EDDM3B: variants seen among roughly 807,000 people sequenced by gnomAD.
The protein encoded by EDDM3B is epididymal secretory protein E3-beta.
For missense variants in EDDM3B, 189 were observed against 178.3 expected (o/e 1.06, Z -0.34); for synonymous variants, 71 against 59.1 (o/e 1.20, Z -0.92).
chr14:20,770,307 C>T lies in EDDM3B; in HGVS notation c.157C>T (p.Leu53Phe). Residue 53 changes from leucine (L) to phenylalanine (F), a missense_variant, in exon 2 of 2, where the codon CTC (leucine) becomes TTC (phenylalanine). Coordinates refer to ENST00000326783, the MANE Select transcript of EDDM3B (RefSeq NM_022360.5). The part of the protein sequence containing the change: ...REFREYKCDV[L>F]MRENEALKDK... ...ATTCAGAGAGTACAAATGTGATGTC[C>T]TCATGAGAGAAAATGAAGCTCTGAA... 1 of 1,614,120 alleles carries T rather than the reference C, an allele frequency of 6.2e-7. No homozygotes were observed. The highest frequency in any genetic ancestry group is 8.5e-7 in the Non-Finnish European group (1 of 1,180,014).
chr14:20,770,501 C>A lies in EDDM3B; in HGVS notation c.351C>A (p.Ser117Arg). Residue 117 changes from serine to arginine, a missense_variant, in exon 2 of 2, where the codon AGC (serine) becomes AGA (arginine). By Grantham distance (110) the Ser-to-Arg change is moderately radical. Coordinates refer to ENST00000326783, the MANE Select transcript of EDDM3B (RefSeq NM_022360.5). ...QENSKNSYTE[S>R]RSFNYIEFHC... ...ATTCCAAAAATAGCTACACAGAGAG[C>A]AGGAGCTTCAACTACATTGAATTCC... is the stretch of plus-strand genomic sequence containing the variant. 1 of 1,614,146 alleles carries A rather than the reference C, an allele frequency of 6.2e-7. No individual in the cohort carries two copies. The highest frequency in any genetic ancestry group is 8.5e-7 in the Non-Finnish European group (1 of 1,180,032).
Position 20,770,125 on chromosome 14 carries a change from A to C in EDDM3B, c.-18-8A>C. 1.9e-6 allele frequency: 3 copies of C among 1,576,564 alleles called. No homozygotes were observed. The highest frequency in any genetic ancestry group is 2.6e-6 in the Non-Finnish European group (3 of 1,161,022). ...ATGCTTTTCTTTCTCTTCTCTGTGGACACGCAGGCGGCCCCGGTGACTGAG... is the reference window on the plus strand; with the variant it reads ...ATGCTTTTCTTTCTCTTCTCTGTGGCCACGCAGGCGGCCCCGGTGACTGAG... On this transcript the variant is annotated splice_region_variant and splice_polypyrimidine_tract_variant and intron_variant, in intron 1 of 1. Transcript: ENST00000326783.
At chr14:20,769,137 C>T (rs1170207866) in intron 1 of EDDM3B, among the ~76,000 whole-genome samples, 1 of 152,152 alleles carries the variant, frequency 6.6e-6, no homozygotes, top group African/African-American at 2.4e-5. Context: ...TGGCTCATGC[C>T]TGAGAATCCC....
In EDDM3B at chr14:20,770,731, T is replaced by C; in HGVS notation, c.*137T>C. ...TTTTCCAAATACTTAGAGTTATGAA[T>C]AGCATAATTTCTTGATACCATAACT... On this transcript the variant is annotated 3_prime_UTR_variant, in exon 2 of 2. Coordinates refer to ENST00000326783, the MANE Select transcript of EDDM3B (RefSeq NM_022360.5). 1.4e-6 allele frequency: 1 copy of C among 697,914 alleles called. No homozygotes were observed. The allele number at this position is 697,914 out of a possible 1,614,324, so 43.2% of individuals were successfully genotyped here.
In EDDM3B at chr14:20,770,322, G is replaced by A. The variant is rs763237729; in HGVS notation, c.172G>A (p.Glu58Lys). The A allele has an allele frequency of 1.2e-6, 2 of 1,614,060 alleles. No homozygotes were observed. Among genetic ancestry groups the A allele is most frequent in the African/African-American group, 2.7e-5 (2 of 74,922 alleles). ...ATGTGATGTCCTCATGAGAGAAAAT[G>A]AAGCTCTGAAAGACAAGAGCTCTCA... ...YKCDVLMREN[E>K]ALKDKSSHMF... is the part of the protein sequence containing the mutation. Residue 58 changes from glutamate (E) to lysine (K), a missense_variant, in exon 2 of 2, where the codon GAA becomes AAA. Transcript: ENST00000326783.
Position 20,770,693 on chromosome 14 carries a change from T to A in EDDM3B, c.*99T>A. 1 of 935,340 alleles carries A rather than the reference T, an allele frequency of 1.1e-6. No homozygotes were observed. Among genetic ancestry groups the A allele is most frequent in the South Asian group, 1.7e-5 (1 of 57,368 alleles). The allele number at this position is 935,340 out of a possible 1,614,324, so 57.9% of individuals were successfully genotyped here. ...TAGTCCTACCACTCCCCTCTTGCAT[T>A]TATTTGTCAATGTTTTCCAAATACT... On this transcript the variant is annotated 3_prime_UTR_variant, in exon 2 of 2. Coordinates refer to ENST00000326783, the MANE Select transcript of EDDM3B (RefSeq NM_022360.5).
chr14:20,769,595 A>G (rs1370489901), intron 1 of EDDM3B, among the ~76,000 whole-genome samples: 1 of 152,168 alleles, frequency 6.6e-6, no homozygotes, highest in Admixed American at 6.5e-5. Context: ...GGAAGTCAAG[A>G]TTGGAGAAGC....
In EDDM3B at chr14:20,770,551, A is replaced by G. The variant is rs1878314092; in HGVS notation, c.401A>G (p.Asp134Gly). The G allele has an allele frequency of 1.2e-6, 2 of 1,613,998 alleles. No homozygotes were observed. Among genetic ancestry groups the G allele is most frequent in the Non-Finnish European group, 1.7e-6 (2 of 1,180,014 alleles). ...EFHCSMDGYV[D>G]SIEDLKMVEP... ...CATTGTAGCATGGACGGGTATGTTG[A>G]TAGCATAGAAGACCTAAAGATGGTA... Residue 134 changes from aspartate to glycine, a missense_variant, in exon 2 of 2, where the codon GAT becomes GGT. By Grantham distance (94) the Asp-to-Gly change is moderately conservative. Coordinates refer to ENST00000326783, the MANE Select transcript of EDDM3B (RefSeq NM_022360.5).
chr14:20,770,733 G>A lies in EDDM3B; in HGVS notation c.*139G>A. ...TTCCAAATACTTAGAGTTATGAATAGCATAATTTCTTGATACCATAACTTT... is the reference window on the plus strand; with the variant it reads ...TTCCAAATACTTAGAGTTATGAATAACATAATTTCTTGATACCATAACTTT... On this transcript the variant is annotated 3_prime_UTR_variant, in exon 2 of 2. Transcript: ENST00000326783. 1.5e-6 allele frequency: 1 copy of A among 689,552 alleles called. No individual in the cohort carries two copies. The highest frequency in any genetic ancestry group is 2.2e-5 in the South Asian group (1 of 45,088). 42.7% of individuals were successfully genotyped at this position (689,552 alleles called of 1,614,324 possible).
chr14:20,770,691 AT>A lies in EDDM3B; in HGVS notation c.*100del. 1.1e-6 allele frequency: 1 copy of A among 947,156 alleles called. No homozygotes were observed. The highest frequency in any genetic ancestry group is 1.7e-5 in the African/African-American group (1 of 59,880). 58.7% of individuals were successfully genotyped at this position (947,156 alleles called of 1,614,324 possible). On this transcript the variant is annotated 3_prime_UTR_variant, in exon 2 of 2. Coordinates refer to ENST00000326783, the MANE Select transcript of EDDM3B (RefSeq NM_022360.5). ...AATAGTCCTACCACTCCCCTCTTGC[AT>A]TTATTTGTCAATGTTTTCCAAATAC...
chr14:20,769,671 G>A (rs1041220726), intron 1 of EDDM3B, among the ~76,000 whole-genome samples: 2 of 152,154 alleles, frequency 1.3e-5, no homozygotes, highest in Non-Finnish European at 2.9e-5. Context: ...TTAGCGAATC[G>A]AAGCCTTCCT....
chr14:20,768,868 G>A (rs1472008480), intron 1 of EDDM3B, among the ~76,000 whole-genome samples: 9 of 152,190 alleles, frequency 5.9e-5, no homozygotes, highest in African/African-American at 2.2e-4. Context: ...TTAGACACTT[G>A]CAGGTCTGTA....
In EDDM3B at chr14:20,770,456, A is replaced by G. The variant is rs370186842; in HGVS notation, c.306A>G (p.Val102=). ...AYVWVQNPLK[V]LKCHQENSKN... ...TATGGGTCCAGAATCCTCTCAAAGT[A>G]CTCAAGTGTCACCAGGAGAATTCCA... is the stretch of plus-strand genomic sequence containing the variant. Residue 102 remains valine, a synonymous_variant, in exon 2 of 2, where the codon GTA becomes GTG. Transcript: ENST00000326783. 3.2e-5 allele frequency: 51 copies of G among 1,614,056 alleles called. No individual in the cohort carries two copies. The highest frequency in any genetic ancestry group is 4.0e-5 in the Non-Finnish European group (47 of 1,180,056).
In EDDM3B at chr14:20,770,659, C is replaced by A; in HGVS notation, c.*65C>A. ...GTGCTTTCTAAGTAGCAGCCCCTGC[C>A]TCCATCAATAGTCCTACCACTCCCC... On this transcript the variant is annotated 3_prime_UTR_variant, in exon 2 of 2. Transcript: ENST00000326783. The A allele has an allele frequency of 7.6e-7, 1 of 1,319,794 alleles. No homozygotes were observed. The highest frequency in any genetic ancestry group is 1.0e-6 in the Non-Finnish European group (1 of 952,996). The allele number at this position is 1,319,794 out of a possible 1,614,324, so 81.8% of individuals were successfully genotyped here.
chr14:20,770,844 T>C lies in EDDM3B; in HGVS notation c.*250T>C, dbSNP rs1440855114. 2 of 440,718 alleles carry C rather than the reference T, an allele frequency of 4.5e-6. No homozygotes were observed. Among genetic ancestry groups the C allele is most frequent in the Non-Finnish European group, 8.5e-6 (2 of 235,730 alleles). The allele number at this position is 440,718 out of a possible 1,614,324, so 27.3% of individuals were successfully genotyped here. ...TACTTTTGTCGACATTCAGCTCATA[T>C]GGCATCTGTTCTTGATTAACCCAAG... is the stretch of plus-strand genomic sequence containing the variant. On this transcript the variant is annotated 3_prime_UTR_variant, in exon 2 of 2. Transcript: ENST00000326783.
rs1482123460 is a variant in EDDM3B at position 20,770,311 on chromosome 14, T to C, written c.161T>C (p.Met54Thr). 6.2e-7 allele frequency: 1 copy of C among 1,614,190 alleles called. No homozygotes were observed. The highest frequency in any genetic ancestry group is 1.7e-5 in the Admixed American group (1 of 60,028). Residue 54 changes from methionine to threonine, a missense_variant, in exon 2 of 2, where the codon ATG becomes ACG. Met to Thr is a moderately conservative substitution (Grantham distance 81, BLOSUM62 -1). Transcript: ENST00000326783. ...EFREYKCDVL[M>T]RENEALKDKS... ...AGAGAGTACAAATGTGATGTCCTCA[T>C]GAGAGAAAATGAAGCTCTGAAAGAC...
chr14:20,770,030 C>A, intron 1 of EDDM3B, 103 bp from the exon 2 acceptor site: 1 of 909,412 alleles, frequency 1.1e-6, no homozygotes, highest in Non-Finnish European at 1.6e-6. Flanking sequence ...AGTAAAATTG[C>A]ACCCAAGTGC....
Position 20,770,363 on chromosome 14 carries a change from C to A in EDDM3B, c.213C>A (p.Ile71=). 1 of 1,614,168 alleles carries A rather than the reference C, an allele frequency of 6.2e-7. No individual in the cohort carries two copies. Among genetic ancestry groups the A allele is most frequent in the East Asian group, 2.2e-5 (1 of 44,876 alleles). Residue 71 remains isoleucine, a synonymous_variant, in exon 2 of 2, where the codon ATC becomes ATA. Transcript: ENST00000326783. Reference sequence around the variant, plus strand: ...AGAGCTCTCACATGTTTATCTATATCTCATGGTACAAAATCGAGCATATAT... The same window carrying A: ...AGAGCTCTCACATGTTTATCTATATATCATGGTACAAAATCGAGCATATAT... ...KDKSSHMFIY[I]SWYKIEHICT... is the part of the protein sequence containing the mutation.
chr14:20,768,778 T>C (rs1475583495), intron 1 of EDDM3B, among the ~76,000 whole-genome samples: 1 of 152,168 alleles, frequency 6.6e-6, no homozygotes, highest in African/African-American at 2.4e-5. Flanking sequence ...GTTCCACAGA[T>C]AGGAAGTACC....
Sources: gnomAD v4.1 joint callset for allele counts (sites outside exome capture counted in the v4.1 genomes callset) on GRCh38, gnomAD v4.1.1 for gene constraint, MANE v1.5 for transcripts, NCBI Gene and HGNC (gene_info 2026-07-23, HGNC 2026-07-21) for gene names.